Variants in PANK1 observed in about 807,000 individuals in gnomAD.
PANK1 encodes pantothenic acid kinase 1.
Under a neutral mutation model 40.1 loss-of-function variants are expected in PANK1, and 18 were observed. That is an observed-to-expected ratio of 0.45 (90% CI 0.31 to 0.67). The LOEUF is 0.67. Among genes scored for constraint, PANK1 ranks in the 30% least tolerant of loss-of-function variants. The probability of loss-of-function intolerance (pLI) is 0.06; values close to 1 mark genes in which losing one functional copy is unlikely to be tolerated. For synonymous variants in PANK1, 242 were observed against 237.7 expected, an observed-to-expected ratio of 1.02 and a Z score of -0.17; for missense variants, 457 against 599.6, an observed-to-expected ratio of 0.76 and a Z score of 2.48.
intron 1 of PANK1, among the ~76,000 whole-genome samples, chr10:89,618,223 T>A (rs1027554877): frequency 3.3e-5 from 5 of 152,190 alleles, no homozygotes; most frequent in African/African-American, 1.2e-4. Context: ...TGAGCACCAG[T>A]GACTGCTGGG....
Position 89,645,015 on chromosome 10 carries a change from C to A in PANK1, c.-124G>T, listed in dbSNP as rs1477214952. The A allele has an allele frequency of 6.4e-7, 1 of 1,566,984 alleles. No individual in the cohort carries two copies. The highest frequency in any genetic ancestry group is 1.8e-5 in the Admixed American group (1 of 54,132). ...TCCGATTCAGCAGCCGCAGAGCCGG[C>A]GCCTGGGGATGGCGAACCCGGCGCT... On this transcript the variant is annotated 5_prime_UTR_variant, in exon 1 of 7. Transcript: ENST00000307534.
In PANK1 at chr10:89,599,202, G is replaced by A. The variant is rs770683909; in HGVS notation, c.899+50C>T. On this transcript the variant is annotated intron_variant, in intron 3 of 6. Coordinates refer to ENST00000307534, the MANE Select transcript of PANK1 (RefSeq NM_148977.3). ...TATAAATAACCTTTTACTATAAACTGGTCATCAAGAAAGAGGTCTGGGTTC... is the reference window on the plus strand; with the variant it reads ...TATAAATAACCTTTTACTATAAACTAGTCATCAAGAAAGAGGTCTGGGTTC... 4 of 1,540,352 alleles carry A rather than the reference G, an allele frequency of 2.6e-6. 1 individual carries two copies. Among genetic ancestry groups the A allele is most frequent in the South Asian group, 2.4e-5 (2 of 83,546 alleles).
At position 89,593,892 on chromosome 10, in the gene PANK1, T is replaced by G. The variant is rs750577003; in HGVS notation, c.997A>C (p.Asn333His). Reference protein sequence around the residue: ...LEMAAKGDSTNVDKLVKDIYG... With the variant: ...LEMAAKGDSTHVDKLVKDIYG... ...ATGTCCTTCACCAGTTTATCAACAT[T>G]GGTGCTGTCGCCTTTAGCTGCCATT... is the stretch of plus-strand genomic sequence containing the variant. Residue 333 changes from asparagine (N) to histidine (H), a missense_variant, in exon 4 of 7, where the codon AAT (asparagine) becomes CAT (histidine). Transcript: ENST00000307534. 3.1e-6 allele frequency: 5 copies of G among 1,613,818 alleles called. No individual in the cohort carries two copies. The African/African-American group carries it at 5.3e-5, about 17-fold the overall frequency.
At chr10:89,641,436 T>A (rs550821419) in intron 1 of PANK1, among the ~76,000 whole-genome samples, 1 of 152,178 alleles carries the variant, frequency 6.6e-6, no homozygotes, top group African/African-American at 2.4e-5. Context: ...GAACTCTCAC[T>A]CATTTTCTGC....
chr10:89,628,517 T>C (rs1464135822), intron 1 of PANK1, among the ~76,000 whole-genome samples: 1 of 152,026 alleles, frequency 6.6e-6, no homozygotes, highest in African/African-American at 2.4e-5. Context: ...TGCCTAGGGT[T>C]GGGGATTGTG....
At chr10:89,589,189 A>G (rs897667006) in intron 5 of PANK1, among the ~76,000 whole-genome samples, 2 of 152,168 alleles carry the variant, frequency 1.3e-5, no homozygotes, top group African/African-American at 4.8e-5. Flanking sequence ...CGGCTATGGT[A>G]TGGTTTATTT....
intron 6 of PANK1, among the ~76,000 whole-genome samples, chr10:89,587,968 G>C (rs1844253743): frequency 6.6e-6 from 1 of 152,058 alleles, no homozygotes; most frequent in African/African-American, 2.4e-5. Context: ...AGTTTGAAAT[G>C]TATGTTCCCA....
intron 1 of PANK1, among the ~76,000 whole-genome samples, chr10:89,640,643 CTGAT>C (rs1462493182): frequency 6.6e-6 from 1 of 152,096 alleles, no homozygotes; most frequent in African/African-American, 2.4e-5. Flanking sequence ...AAGTCAAGCC[CTGAT>C]TAATTTTCAT....
intron 3 of PANK1, among the ~76,000 whole-genome samples, chr10:89,597,928 T>C (rs995991843): frequency 1.3e-5 from 2 of 152,240 alleles, no homozygotes; most frequent in Non-Finnish European, 2.9e-5. Context: ...TGAGAAAATG[T>C]ATACTTGGTA....
intron 1 of PANK1, among the ~76,000 whole-genome samples, chr10:89,631,086 A>G (rs553090514): frequency 9.9e-4 from 150 of 152,238 alleles, no homozygotes; most frequent in Non-Finnish European, 1.9e-3. Flanking sequence ...CCTGTACACC[A>G]TTACCTAAGA....
At chr10:89,639,601 A>G (rs531277668) in intron 1 of PANK1, among the ~76,000 whole-genome samples, 1 of 152,314 alleles carries the variant, frequency 6.6e-6, no homozygotes, top group South Asian at 2.1e-4. Context: ...CATTGCTAGT[A>G]AGTAGGAAAT....
At chr10:89,613,064 T>A (rs1250243560) in intron 1 of PANK1, among the ~76,000 whole-genome samples, 2 of 152,182 alleles carry the variant, frequency 1.3e-5, no homozygotes, top group Non-Finnish European at 1.5e-5. Flanking sequence ...AAGCTCTTTA[T>A]TGTTAAGAGC....
intron 1 of PANK1, among the ~76,000 whole-genome samples, chr10:89,637,710 T>G (rs909231120): frequency 1.6e-4 from 25 of 152,212 alleles, no homozygotes; most frequent in African/African-American, 6.0e-4. Flanking sequence ...CATTGTTCAC[T>G]TAGGCTACTC....
At chr10:89,582,856 C>G (rs990899568), downstream of PANK1, 1 of 152,100 alleles carries the variant, frequency 6.6e-6, no homozygotes, top group Non-Finnish European at 1.5e-5. Flanking sequence ...TGGACCATAC[C>G]ACACTCATGG....
chr10:89,643,908 T>C, intron 1 of PANK1: 1 of 1,374,534 alleles, frequency 7.3e-7, no homozygotes, highest in Non-Finnish European at 9.5e-7. Context: ...CGGTGTACAT[T>C]ACAATTACAA....
chr10:89,588,604 C>A (rs752161678), intron 6 of PANK1, 48 bp downstream of exon 6: 86 of 1,464,298 alleles, frequency 5.9e-5, no homozygotes, highest in Non-Finnish European at 7.0e-5. Flanking sequence ...TTAGCCAAAC[C>A]AAAATATACT....
rs773342215 is a variant in PANK1 at position 89,644,748 on chromosome 10, C to A, written c.144G>T (p.Arg48=). The change falls in exon 1 of 7, where the codon CGG becomes CGT. Residue 48 remains arginine, a synonymous_variant. Transcript: ENST00000307534. ...PPVQPPHVCS[R]GPVGGSDAAP... ...CCGCGTCGCTGCCGCCCACTGGACCCCGGCTGCAGACGTGCGGCGGCTGGA... is the reference window on the plus strand; with the variant it reads ...CCGCGTCGCTGCCGCCCACTGGACCACGGCTGCAGACGTGCGGCGGCTGGA... 2.0e-6 allele frequency: 3 copies of A among 1,520,294 alleles called. No individual in the cohort carries two copies. Among genetic ancestry groups the A allele is most frequent in the East Asian group, 2.6e-5 (1 of 38,426 alleles). The allele number at this position is 1,520,294 out of a possible 1,614,324, so 94.2% of individuals were successfully genotyped here. A position where few individuals can be genotyped will look rare whatever the true frequency, so the allele number is the denominator to read the frequency against.
intron 1 of PANK1, among the ~76,000 whole-genome samples, chr10:89,641,897 T>C (rs1247617118): frequency 6.6e-6 from 1 of 152,104 alleles, no homozygotes; most frequent in Non-Finnish European, 1.5e-5. Flanking sequence ...GTCATAGAAT[T>C]CTGAAGGTAC....
Position 89,622,805 on chromosome 10 carries a change from C to T in PANK1, c.293-10757G>A, listed in dbSNP as rs560237629. Among the ~76,000 whole-genome samples the T allele has an allele frequency of 6.9e-4, 104 of 150,612 alleles. 2 individuals carry two copies. The highest frequency in any genetic ancestry group is 2.1e-3 in the African/African-American group (86 of 40,928). On this transcript the variant is annotated intron_variant, in intron 1 of 6. Coordinates refer to ENST00000307534, the MANE Select transcript of PANK1 (RefSeq NM_148977.3). The stretch of plus-strand genomic sequence containing the variant: ...TGAGCTGAGGTCGTGCCACTGCAAT[C>T]TAGCCTGGGTGACAGAGCGAGACTC...
Sources: allele counts gnomAD v4.1 joint callset (sites outside exome capture counted in the v4.1 genomes callset), GRCh38; gene constraint gnomAD v4.1.1; transcripts MANE v1.5; gene names NCBI Gene and HGNC (gene_info 2026-07-23, HGNC 2026-07-21).